RYR3: variants seen among roughly 807,000 people sequenced by gnomAD.
RYR3 encodes brain ryanodine receptor-calcium release channel.
In RYR3, 207 loss-of-function variants were observed where a neutral mutation model predicts 584.3. That is an observed-to-expected ratio of 0.35 (90% CI 0.32 to 0.40). RYR3 has a LOEUF of 0.40. RYR3 is among the 10% of genes least tolerant of loss of function. RYR3 has a pLI of 1.00. For synonymous variants in RYR3, 2,416 were observed against 2,248.5 expected (o/e 1.07, Z -2.11); for missense variants, 5,616 against 6,089.2 (o/e 0.92, Z 2.59).
chr15:33,662,887 G>C lies in RYR3; in HGVS notation c.5357G>C (p.Gly1786Ala). 1.9e-6 allele frequency: 3 copies of C among 1,613,530 alleles called. No individual in the cohort carries two copies. Among genetic ancestry groups the C allele is most frequent in the Non-Finnish European group, 2.5e-6 (3 of 1,179,864 alleles). ...EKAVEAGEKA[G>A]KEAPVKGLLQ... ...GCTGTGGAGGCTGGGGAGAAGGCCG[G>C]CAAGGAGGCTCCTGTCAAAGGCTTG... The change falls in exon 35 of 104, where the codon GGC becomes GCC. Residue 1786 changes from glycine (G) to alanine (A), a missense_variant. Around this residue, in one of 9 missense-constraint regions of RYR3, gnomAD observed 753 missense variants for 741.0 expected, o/e 1.02. Transcript: ENST00000634891.
chr15:33,437,419 G>A (rs2045834435), intron 1 of RYR3, among the ~76,000 whole-genome samples: 1 of 152,226 alleles, frequency 6.6e-6, no homozygotes, highest in Non-Finnish European at 1.5e-5. Flanking sequence ...AAGTATAAAG[G>A]TCAAAGACCT....
intron 16 of RYR3, among the ~76,000 whole-genome samples, chr15:33,592,938 G>A (rs545620844): frequency 1.6e-4 from 24 of 152,338 alleles, no homozygotes; most frequent in African/African-American, 5.3e-4. Flanking sequence ...TTAGGGAGAC[G>A]TGAGACGTGG....
At chr15:33,414,911 G>T (rs576850235) in intron 1 of RYR3, among the ~76,000 whole-genome samples, 1 of 152,218 alleles carries the variant, frequency 6.6e-6, no homozygotes, top group African/African-American at 2.4e-5. Context: ...ACTTTGTGTG[G>T]TTTATCAATA....
intron 70 of RYR3, among the ~76,000 whole-genome samples, chr15:33,808,255 T>G (rs530741930): frequency 6.6e-6 from 1 of 152,348 alleles, no homozygotes; most frequent in East Asian, 1.9e-4. Flanking sequence ...TTACTTGCTA[T>G]GTGATCTTGG....
At chr15:33,652,012 CT>C (rs1370073367) in intron 31 of RYR3, among the ~76,000 whole-genome samples, 1 of 152,116 alleles carries the variant, frequency 6.6e-6, no homozygotes. Context: ...GCCTTAAGGA[CT>C]TTTTCATTAT....
At chr15:33,764,042 C>T (rs1178445310) in intron 60 of RYR3, among the ~76,000 whole-genome samples, 1 of 151,940 alleles carries the variant, frequency 6.6e-6, no homozygotes, top group Non-Finnish European at 1.5e-5. Flanking sequence ...GGATCTAGAA[C>T]CAGAAATGCC....
Position 33,331,142 on chromosome 15 carries a change from C to T in RYR3, c.51+20046C>T, listed in dbSNP as rs1595737823. On this transcript the variant is annotated intron_variant, in intron 1 of 103. Coordinates refer to ENST00000634891, the MANE Select transcript of RYR3 (RefSeq NM_001036.6). ...GTTTTCAGAACGGAGCCTCTTCATC[C>T]TACTATATATTTTTAAACATACTAA... Among the ~76,000 whole-genome samples, 5 of 152,206 alleles carry T rather than the reference C, an allele frequency of 3.3e-5. No homozygotes were observed. The South Asian group carries it at 1.0e-3, about 32-fold the overall frequency.
intron 32 of RYR3, among the ~76,000 whole-genome samples, chr15:33,653,668 TC>T (rs1386994968): frequency 1.7e-5 from 2 of 117,380 alleles, no homozygotes; most frequent in Admixed American, 1.8e-4. Flanking sequence ...AGACTCCATC[TC>T]AAAAAAAAAA....
intron 1 of RYR3, among the ~76,000 whole-genome samples, chr15:33,338,152 A>G (rs953764410): frequency 6.6e-6 from 1 of 151,890 alleles, no homozygotes; most frequent in Admixed American, 6.6e-5. Flanking sequence ...TCACTGTGTT[A>G]GCCGGGATGA....
intron 38 of RYR3, among the ~76,000 whole-genome samples, chr15:33,689,312 T>G (rs1272795167): frequency 2.6e-5 from 4 of 151,968 alleles, no homozygotes; most frequent in Non-Finnish European, 5.9e-5. Context: ...ATGGCACATG[T>G]ATACCTATGT....
chr15:33,861,252 C>T, intron 102 of RYR3, 74 bp downstream of exon 102: 1 of 1,112,226 alleles, frequency 9.0e-7, no homozygotes, highest in Non-Finnish European at 1.3e-6. Context: ...ATAGTTCAGT[C>T]TCTGCTGGAA....
At chr15:33,699,883 C>A (rs757461671) in intron 41 of RYR3, 50 bp downstream of exon 41, 3 of 1,587,152 alleles carry the variant, frequency 1.9e-6, no homozygotes, top group Non-Finnish European at 2.6e-6. Context: ...AGGTTACACT[C>A]CCCCTTTTGA....
intron 53 of RYR3, among the ~76,000 whole-genome samples, chr15:33,746,894 C>T (rs569397542): frequency 1.4e-5 from 2 of 144,430 alleles, no homozygotes; most frequent in South Asian, 4.5e-4. Context: ...CTGCAACCTC[C>T]ACCTTCCGGG....
chr15:33,687,607 A>G (rs1340306495), intron 38 of RYR3, among the ~76,000 whole-genome samples: 1 of 152,218 alleles, frequency 6.6e-6, no homozygotes, highest in African/African-American at 2.4e-5. Context: ...CATTGCCAAG[A>G]CAGTCCTAAG....
intron 89 of RYR3, 94 bp downstream of exon 89, chr15:33,839,052 G>C: frequency 6.9e-7 from 1 of 1,440,030 alleles, no homozygotes; most frequent in Non-Finnish European, 9.3e-7. Flanking sequence ...TTCCCTAGGA[G>C]CCAACACTCT....
At chr15:33,533,239 GCTAA>G (rs1255313133) in intron 4 of RYR3, 68 bp from the exon 5 acceptor site, 1 of 1,012,320 alleles carries the variant, frequency 9.9e-7, no homozygotes, top group East Asian at 2.6e-5. Context: ...TTAACTAGAA[GCTAA>G]CTAGTGGTAA....
At position 33,696,872 on chromosome 15, in the gene RYR3, C is replaced by T. The variant is rs114142996; in HGVS notation, c.6134+381C>T. ...TCCCTCTGAAAAATTGCCACCTGATCTCTCCCTTTTCTCAGGACTAACCTA... is the reference window on the plus strand; with the variant it reads ...TCCCTCTGAAAAATTGCCACCTGATTTCTCCCTTTTCTCAGGACTAACCTA... On this transcript the variant is annotated intron_variant, in intron 39 of 103. Coordinates refer to ENST00000634891, the MANE Select transcript of RYR3 (RefSeq NM_001036.6). Among the ~76,000 whole-genome samples, 742 of 152,346 alleles carry T rather than the reference C, an allele frequency of 4.9e-3. 3 individuals carry two copies. The highest frequency in any genetic ancestry group is 0.017 in the African/African-American group (700 of 41,586).
At chr15:33,374,156 A>G (rs1309241713) in intron 1 of RYR3, among the ~76,000 whole-genome samples, 1 of 152,188 alleles carries the variant, frequency 6.6e-6, no homozygotes, top group Non-Finnish European at 1.5e-5. Context: ...AGGAAGATGA[A>G]TAACAAAAAA....
rs138289547 is a variant in RYR3 at position 33,816,569 on chromosome 15, T to C, written c.10503-293T>C. On this transcript the variant is annotated intron_variant, in intron 74 of 103. Coordinates refer to ENST00000634891, the MANE Select transcript of RYR3 (RefSeq NM_001036.6). ...ACTTGGCCTAATGATTGATTTCTCA[T>C]TGGAGAGGAAATGTGATAAAGAGCC... 4.9e-4 allele frequency among the ~76,000 whole-genome samples: 75 copies of C among 152,290 alleles called. 1 individual carries two copies. In the East Asian group the frequency reaches 0.011, roughly 22 times the overall value.
Sources: allele counts gnomAD v4.1 joint callset (sites outside exome capture counted in the v4.1 genomes callset), GRCh38; gene constraint gnomAD v4.1.1; regional missense constraint gnomAD v4.1.1; transcripts MANE v1.5; gene names NCBI Gene and HGNC (gene_info 2026-07-23, HGNC 2026-07-21).